IL1RL1: variants seen among roughly 807,000 people sequenced by gnomAD.
IL1RL1 encodes interleukin 1 receptor like 1.
Under a neutral mutation model 50.9 loss-of-function variants are expected in IL1RL1, and 32 were observed. The observed-to-expected ratio is 0.63, with a 90% CI of 0.47 to 0.84. The LOEUF (loss-of-function observed/expected upper bound fraction) is 0.84. Ranked by LOEUF, IL1RL1 falls within the 40% of genes least tolerant of loss-of-function variation. The probability of loss-of-function intolerance (pLI) is 0.00; values close to 1 mark genes in which losing one functional copy is unlikely to be tolerated. For synonymous variants in IL1RL1, 275 were observed against 236.0 expected (o/e 1.17, Z -1.51); for missense variants, 773 against 662.9 (o/e 1.17, Z -1.82).
intron 10 of IL1RL1, among the ~76,000 whole-genome samples, chr2:102,349,867 A>T (rs1269380908): frequency 6.6e-6 from 1 of 152,048 alleles, no homozygotes; most frequent in East Asian, 1.9e-4. Flanking sequence ...CTCCTTGTGA[A>T]CTCTTCTCTA....
chr2:102,338,911 G>A lies in IL1RL1; in HGVS notation c.136G>A (p.Val46Met), dbSNP rs182781591. 1.7e-5 allele frequency: 28 copies of A among 1,613,640 alleles called. No homozygotes were observed. Among genetic ancestry groups the A allele is most frequent in the African/African-American group, 2.7e-5 (2 of 75,008 alleles). The part of the protein sequence containing the change: ...CPRQGKPSYT[V>M]DWYYSQTNKS... Reference sequence around the variant, plus strand: ...TAGACAAGGAAAACCTAGTTACACCGTGGATTGGTATTACTCACAAACAAA... The same window carrying A: ...TAGACAAGGAAAACCTAGTTACACCATGGATTGGTATTACTCACAAACAAA... Residue 46 changes from valine to methionine, a missense_variant, in exon 3 of 11, where the codon GTG (valine) becomes ATG (methionine). Transcript: ENST00000233954.
chr2:102,340,789 A>G lies in IL1RL1; in HGVS notation c.571A>G (p.Asn191Asp). Residue 191 changes from asparagine (N) to aspartate (D), a missense_variant, in exon 5 of 11, where the codon AAT becomes GAT. By Grantham distance (23) the Asn-to-Asp change is conservative. Coordinates refer to ENST00000233954, the MANE Select transcript of IL1RL1 (RefSeq NM_016232.5). The stretch of plus-strand genomic sequence containing the variant: ...ATTTATACACAATGAAAATGGAGCC[A>G]ATTATAGTGTGACGGCGACCAGGTC... ...CKFIHNENGA[N>D]YSVTATRSFT... 6.3e-7 allele frequency: 1 copy of G among 1,584,726 alleles called. No individual in the cohort carries two copies. Among genetic ancestry groups the G allele is most frequent in the Non-Finnish European group, 8.5e-7 (1 of 1,171,276 alleles).
At position 102,351,530 on chromosome 2, in the gene IL1RL1, G is replaced by A. The variant is rs867544506; in HGVS notation, c.1286-6G>A. Reference sequence around the variant, plus strand: ...AAGAAATCTGATCTATTTCTTGTATGACTAGATGTAGTCACTGCAGTGGAA... The same window carrying A: ...AAGAAATCTGATCTATTTCTTGTATAACTAGATGTAGTCACTGCAGTGGAA... On this transcript the variant is annotated splice_polypyrimidine_tract_variant and splice_region_variant and intron_variant, in intron 10 of 10. Coordinates refer to ENST00000233954, the MANE Select transcript of IL1RL1 (RefSeq NM_016232.5). 40 of 1,610,210 alleles carry A rather than the reference G, an allele frequency of 2.5e-5. No individual in the cohort carries two copies. The highest frequency in any genetic ancestry group is 8.0e-5 in the African/African-American group (6 of 74,734).
chr2:102,343,493 G>T, intron 8 of IL1RL1, 78 bp downstream of exon 8: 1 of 1,611,862 alleles, frequency 6.2e-7, no homozygotes, highest in Non-Finnish European at 8.5e-7. Context: ...GGTTCCAAGA[G>T]ATCCATCAAG....
chr2:102,343,678 G>A, intron 8 of IL1RL1: 1 of 1,373,246 alleles, frequency 7.3e-7, no homozygotes, highest in Non-Finnish European at 9.4e-7. Context: ...TGCTTCTTTG[G>A]TCATCCTTGT....
chr2:102,311,932 T>TCA (rs1258580261), intron 1 of IL1RL1, among the ~76,000 whole-genome samples: 2 of 35,466 alleles, frequency 5.6e-5, no homozygotes, highest in African/African-American at 1.1e-4. Context: ...ATAATATATA[T>TCA]TATATATAAT....
Position 102,351,885 on chromosome 2 carries a change from C to G in IL1RL1, c.1635C>G (p.Ala545=), listed in dbSNP as rs767619838. Residue 545 remains alanine, a synonymous_variant, in exon 11 of 11, where the codon GCC becomes GCG. Coordinates refer to ENST00000233954, the MANE Select transcript of IL1RL1 (RefSeq NM_016232.5). ...MPVPSKIPRK[A]SSLTPLAAQK... is the part of the protein sequence containing the mutation. Reference sequence around the variant, plus strand: ...TGCCAAGCAAAATTCCCAGAAAGGCCTCTAGTTTGACTCCCTTGGCTGCCC... The same window carrying G: ...TGCCAAGCAAAATTCCCAGAAAGGCGTCTAGTTTGACTCCCTTGGCTGCCC... The G allele has an allele frequency of 1.8e-5, 29 of 1,613,354 alleles. No individual in the cohort carries two copies. The South Asian group carries it at 3.2e-4, about 18-fold the overall frequency.
At chr2:102,323,269 ATATAGT>A (rs1292725220) in intron 1 of IL1RL1, among the ~76,000 whole-genome samples, 7 of 38,494 alleles carry the variant, frequency 1.8e-4, no homozygotes, top group African/African-American at 5.8e-4. Context: ...ATATATATAT[ATATAGT>A]GTGTGTGTGT....
At position 102,343,043 on chromosome 2, in the gene IL1RL1, C is replaced by A. The variant is rs1270408584; in HGVS notation, c.690C>A (p.Asn230Lys). ...GTCCTTACTCCCCTCTAGGAAAAAA[C>A]GCAAACCTAACTTGCTCTGCTTGTT... ...NEIKEVEIGKNANLTCSACFG... is the reference protein window; with the variant it reads ...NEIKEVEIGKKANLTCSACFG... Residue 230 changes from asparagine (N) to lysine (K), a missense_variant, in exon 7 of 11, where the codon AAC (asparagine) becomes AAA (lysine). Coordinates refer to ENST00000233954, the MANE Select transcript of IL1RL1 (RefSeq NM_016232.5). 1 of 1,613,710 alleles carries A rather than the reference C, an allele frequency of 6.2e-7. No homozygotes were observed. The highest frequency in any genetic ancestry group is 2.2e-5 in the East Asian group (1 of 44,870).
Position 102,349,118 on chromosome 2 carries a change from A to C in IL1RL1, c.1157A>C (p.Asn386Thr). Residue 386 changes from asparagine to threonine, a missense_variant, in exon 10 of 11, where the codon AAC (asparagine) becomes ACC (threonine). Coordinates refer to ENST00000233954, the MANE Select transcript of IL1RL1 (RefSeq NM_016232.5). ...GATGCTTATGTTGTCTACCCACGGA[A>C]CTACAAATCCAGTACAGATGGGGCC... Reference protein sequence around the residue: ...LYDAYVVYPRNYKSSTDGASR... With the variant: ...LYDAYVVYPRTYKSSTDGASR... 6.2e-7 allele frequency: 1 copy of C among 1,613,774 alleles called. No individual in the cohort carries two copies. The highest frequency in any genetic ancestry group is 8.5e-7 in the Non-Finnish European group (1 of 1,179,664).
chr2:102,322,795 C>T (rs1010171975), intron 1 of IL1RL1, among the ~76,000 whole-genome samples: 1 of 152,152 alleles, frequency 6.6e-6, no homozygotes, highest in African/African-American at 2.4e-5. Flanking sequence ...GAGAGTTGCC[C>T]TCACACCTTT....
rs1477460422 is a variant in IL1RL1 at position 102,348,013 on chromosome 2, G to T, written c.1039G>T (p.Val347Phe). Residue 347 changes from valine to phenylalanine, a missense_variant, in exon 9 of 11, where the codon GTT (valine) becomes TTT (phenylalanine). Val to Phe is a conservative substitution (Grantham distance 50). Transcript: ENST00000233954. Reference protein sequence around the residue: ...SVFLMLINVLVIILKMFWIEA... With the variant: ...SVFLMLINVLFIILKMFWIEA... ...ATTTTTAATGCTAATCAATGTCCTG[G>T]TTATCATCCTAAAAATGTTCTGGAT... is the stretch of plus-strand genomic sequence containing the variant. The T allele has an allele frequency of 6.3e-7, 1 of 1,592,570 alleles. No individual in the cohort carries two copies. Among genetic ancestry groups the T allele is most frequent in the Admixed American group, 1.7e-5 (1 of 59,968 alleles).
In IL1RL1 at chr2:102,323,273, A is replaced by T. The variant is rs1283337713; in HGVS notation, c.-150+11650A>T. ...TATATATATATATATATATATATAT[A>T]GTGTGTGTGTGTGTGTGTGTGTATA... On this transcript the variant is annotated intron_variant, in intron 1 of 10. Coordinates refer to ENST00000233954, the MANE Select transcript of IL1RL1 (RefSeq NM_016232.5). Among the ~76,000 whole-genome samples, 22 of 48,496 alleles carry T rather than the reference A, an allele frequency of 4.5e-4. No homozygotes were observed. The South Asian group carries it at 5.3e-3, about 12-fold the overall frequency. The allele number at this position is 48,496 out of a possible 152,430, so 31.8% of individuals were successfully genotyped here. A position where few individuals can be genotyped will look rare whatever the true frequency, so the allele number is the denominator to read the frequency against.
chr2:102,331,706 A>G (rs1475788535), intron 1 of IL1RL1, among the ~76,000 whole-genome samples: 2 of 152,218 alleles, frequency 1.3e-5, no homozygotes, highest in East Asian at 3.8e-4. Context: ...GTTTAGATCC[A>G]TATATAAAAG....
chr2:102,343,340 C>T lies in IL1RL1; in HGVS notation c.895C>T (p.Leu299=). Residue 299 remains leucine (L), a synonymous_variant, in exon 8 of 11, where the codon CTG becomes TTG. Transcript: ENST00000233954. The part of the protein sequence containing the change: ...IADVKEEDLL[L]QYDCLALNLH... Reference sequence around the variant, plus strand: ...TGACGTGAAGGAAGAGGATTTATTGCTGCAGTACGACTGTCTGGCCCTGAA... The same window carrying T: ...TGACGTGAAGGAAGAGGATTTATTGTTGCAGTACGACTGTCTGGCCCTGAA... 1 of 1,614,088 alleles carries T rather than the reference C, an allele frequency of 6.2e-7. No homozygotes were observed. Among genetic ancestry groups the T allele is most frequent in the East Asian group, 2.2e-5 (1 of 44,898 alleles).
At chr2:102,311,991 TATATA>T (rs1559592203) in intron 1 of IL1RL1, among the ~76,000 whole-genome samples, 5 of 32,546 alleles carry the variant, frequency 1.5e-4, no homozygotes, top group African/African-American at 5.5e-4. Flanking sequence ...ATATATATTA[TATATA>T]ATATATTTAT....
downstream of IL1RL1, among the ~76,000 whole-genome samples, chr2:102,352,278 G>T (rs72823663): frequency 2.0e-5 from 3 of 146,940 alleles, no homozygotes; most frequent in Non-Finnish European, 4.4e-5. Context: ...AATCATTCGA[G>T]AGTAGATTTT....
intron 8 of IL1RL1, chr2:102,345,768 T>C: frequency 1.0e-6 from 1 of 985,420 alleles, no homozygotes; most frequent in Non-Finnish European, 1.2e-6. Context: ...CTCTGGTGTC[T>C]GCCAGTGATA....
chr2:102,343,621 G>C (rs759040814), intron 8 of IL1RL1: 6 of 1,441,934 alleles, frequency 4.2e-6, no homozygotes, highest in Non-Finnish European at 3.6e-6. Flanking sequence ...TAAATTGTTC[G>C]TCCTCCCCCA....
Sources: allele counts gnomAD v4.1 joint callset (sites outside exome capture counted in the v4.1 genomes callset), GRCh38; gene constraint gnomAD v4.1.1; transcripts MANE v1.5; gene names NCBI Gene and HGNC (gene_info 2026-07-23, HGNC 2026-07-21).